Variants in NCLN observed in about 807,000 individuals in gnomAD.
NCLN encodes nicalin, also known as BOS complex subunit NCLN.
Under a neutral mutation model 69.5 loss-of-function variants are expected in NCLN, and 34 were observed. That is an observed-to-expected ratio of 0.49 (90% CI 0.37 to 0.65). The LOEUF (loss-of-function observed/expected upper bound fraction) is 0.65. Among genes scored for constraint, NCLN ranks in the 30% least tolerant of loss-of-function variants. The pLI is 0.00. For synonymous variants in NCLN, 393 were observed against 358.3 expected, an observed-to-expected ratio of 1.10 and a Z score of -1.09; for missense variants, 710 against 804.8, an observed-to-expected ratio of 0.88 and a Z score of 1.42.
intron 6 of NCLN, 72 bp downstream of exon 6, chr19:3,201,698 C>T (rs1017161112): frequency 2.4e-6 from 3 of 1,241,378 alleles, no homozygotes; most frequent in Non-Finnish European, 3.3e-6. Context: ...CCACCAGGCA[C>T]CTCTGCAGAT....
Position 3,205,748 on chromosome 19 carries a change from G to T in NCLN, c.1209-191G>T, listed in dbSNP as rs1916246622. On this transcript the variant is annotated intron_variant, in intron 9 of 14. Transcript: ENST00000246117. This position sits in a 1 kb window ranked among gnomAD's most constrained non-coding sequence, Gnocchi z 4.6. ...AGGGACGGGTCAGGGCAAGGGGCCT[G>T]GAGGTGTGGGGCCCCCAGTGAATCT... is the stretch of plus-strand genomic sequence containing the variant. The T allele has an allele frequency of 3.3e-6, 2 of 602,648 alleles. No homozygotes were observed. Among genetic ancestry groups the T allele is most frequent in the South Asian group, 4.0e-5 (2 of 49,782 alleles). 37.3% of individuals were successfully genotyped at this position (602,648 alleles called of 1,614,324 possible).
chr19:3,204,340 T>G (rs1397658280), intron 8 of NCLN, among the ~76,000 whole-genome samples, 196 bp downstream of exon 8: 1 of 151,564 alleles, frequency 6.6e-6, no homozygotes, highest in Admixed American at 6.6e-5. Context: ...AGGGGCACAC[T>G]GCGTCAGGGC....
intron 5 of NCLN, among the ~76,000 whole-genome samples, 199 bp downstream of exon 5, chr19:3,199,096 CG>C (rs1916055713): frequency 6.6e-6 from 1 of 152,192 alleles, no homozygotes; most frequent in South Asian, 2.1e-4. Context: ...GCTCTTGCCC[CG>C]GGGTCGCAGG....
chr19:3,203,937 G>A lies in NCLN; in HGVS notation c.890-68G>A, dbSNP rs28372910. On this transcript the variant is annotated intron_variant, in intron 7 of 14. Transcript: ENST00000246117. ...GGGTTGCCATGGGGGCAGCCAGGAG[G>A]CACAGAGGGAGGGCCGGGGGCCACT... is the stretch of plus-strand genomic sequence containing the variant. 6.4e-4 allele frequency: 999 copies of A among 1,559,136 alleles called. 10 individuals carry two copies. In the East Asian group the frequency reaches 0.019, roughly 29 times the overall value.
chr19:3,200,142 CT>C (rs2144910644), intron 5 of NCLN, among the ~76,000 whole-genome samples: 1 of 152,134 alleles, frequency 6.6e-6, no homozygotes, highest in Admixed American at 6.5e-5. Context: ...CCCACACAAA[CT>C]CAAGCTGCTC....
At chr19:3,190,364 C>A (rs906109600) in intron 1 of NCLN, among the ~76,000 whole-genome samples, 2 of 152,194 alleles carry the variant, frequency 1.3e-5, no homozygotes, top group Admixed American at 6.5e-5. Context: ...GTGCCCACCT[C>A]CTTGTGCTGC....
rs1915654072 is a variant in NCLN, at chr19:3,185,966, C to A, written c.-65C>A. The A allele has an allele frequency of 6.1e-6, 8 of 1,319,174 alleles. No homozygotes were observed. Among genetic ancestry groups the A allele is most frequent in the East Asian group, 3.2e-5 (1 of 31,144 alleles). 81.7% of individuals were successfully genotyped at this position (1,319,174 alleles called of 1,614,324 possible). On this transcript the variant is annotated 5_prime_UTR_variant, in exon 1 of 15. Transcript: ENST00000246117. ...GGCTACCCATGCCGAGGTGAGTCCG[C>A]GGGAGCCGCCGCCGCCGCCGTCCCG...
chr19:3,198,849 TC>T lies in NCLN; in HGVS notation c.651del (p.Thr218ProfsTer194). 1 of 1,570,880 alleles carries T rather than the reference TC, an allele frequency of 6.4e-7. No individual in the cohort carries two copies. The highest frequency in any genetic ancestry group is 2.5e-5 in the East Asian group (1 of 40,410). ...RLTGLGGEDL[P>X]TIVIVAHYDA... The stretch of plus-strand genomic sequence containing the variant: ...TGACGGGGCTGGGCGGAGAGGACCT[TC>T]CCACCATCGTCATCGTGGCCCACTA... On this transcript the variant is annotated frameshift_variant, in exon 5 of 15. Coordinates refer to ENST00000246117, the MANE Select transcript of NCLN (RefSeq NM_020170.4). LOFTEE classifies it high-confidence loss of function.
chr19:3,196,178 C>A lies in NCLN; in HGVS notation c.521-5C>A. The A allele has an allele frequency of 6.5e-7, 1 of 1,548,634 alleles. No individual in the cohort carries two copies. The highest frequency in any genetic ancestry group is 8.7e-7 in the Non-Finnish European group (1 of 1,144,910). ...AAGGCTGATGCGCCCTCTCCCTCTC[C>A]CTAGTACTGCTGCGCACGGCCACTG... On this transcript the variant is annotated splice_polypyrimidine_tract_variant and splice_region_variant and intron_variant, in intron 3 of 14. Coordinates refer to ENST00000246117, the MANE Select transcript of NCLN (RefSeq NM_020170.4).
chr19:3,200,597 A>G (rs1016077942), intron 5 of NCLN, among the ~76,000 whole-genome samples: 4 of 152,186 alleles, frequency 2.6e-5, no homozygotes, highest in Admixed American at 1.3e-4. Context: ...GGCGTGAGCC[A>G]CCGAGCCCAG....
At chr19:3,188,453 G>A (rs759445335) in intron 1 of NCLN, among the ~76,000 whole-genome samples, 1 of 152,124 alleles carries the variant, frequency 6.6e-6, no homozygotes, top group Non-Finnish European at 1.5e-5. Context: ...CAGTTTCCTT[G>A]TGTGGCCTCT....
In NCLN at chr19:3,205,430, G is replaced by A. The variant is rs1002642764; in HGVS notation, c.1209-509G>A. 2.0e-5 allele frequency among the ~76,000 whole-genome samples: 3 copies of A among 152,216 alleles called. No individual in the cohort carries two copies. Among genetic ancestry groups the A allele is most frequent in the African/African-American group, 7.2e-5 (3 of 41,458 alleles). On this transcript the variant is annotated intron_variant, in intron 9 of 14. Transcript: ENST00000246117. The surrounding 1 kb of genome is among the most constrained non-coding windows in gnomAD (Gnocchi z 4.6). ...TCGGAGGCCTGCAGAAGCCAGTGGC[G>A]GGAGGGAGGGGCACATCCCTGGGTA...
At chr19:3,198,438 T>G (rs1162417633) in intron 4 of NCLN, among the ~76,000 whole-genome samples, 1 of 137,590 alleles carries the variant, frequency 7.3e-6, no homozygotes. Context: ...ACCCGGGAGG[T>G]GGAGCTTGCA....
chr19:3,202,092 C>A (rs532445505), intron 6 of NCLN, among the ~76,000 whole-genome samples: 1 of 152,144 alleles, frequency 6.6e-6, no homozygotes, highest in Non-Finnish European at 1.5e-5. Context: ...GGCAGAAGCA[C>A]CCCTGGTTGA....
intron 2 of NCLN, 61 bp downstream of exon 2, chr19:3,192,721 A>G (rs1915860260): frequency 7.0e-7 from 1 of 1,434,094 alleles, no homozygotes; most frequent in Non-Finnish European, 9.2e-7. Context: ...GTTGGAGGCA[A>G]CTGTGTGACC....
intron 6 of NCLN, 32 bp from the exon 7 acceptor site, chr19:3,203,724 C>T (rs570762723): frequency 2.8e-5 from 45 of 1,587,270 alleles, no homozygotes; most frequent in East Asian, 2.5e-4. Context: ...GGCGCTTGCC[C>T]GTCAAAGCTA....
intron 3 of NCLN, among the ~76,000 whole-genome samples, chr19:3,193,885 G>A (rs988879989): frequency 6.6e-6 from 1 of 152,258 alleles, no homozygotes; most frequent in African/African-American, 2.4e-5. Context: ...CCCTGGCAGC[G>A]AACTCAGAGC....
At chr19:3,200,566 T>G (rs1916100086) in intron 5 of NCLN, among the ~76,000 whole-genome samples, 1 of 152,102 alleles carries the variant, frequency 6.6e-6, no homozygotes, top group African/African-American at 2.4e-5. Flanking sequence ...CATCTTGGCC[T>G]CCCAAAGTGC....
At chr19:3,192,696 A>C (rs1915859739) in intron 2 of NCLN, 36 bp downstream of exon 2, 1 of 1,482,868 alleles carries the variant, frequency 6.7e-7, no homozygotes, top group African/African-American at 1.4e-5. Context: ...GCTCAGGTCC[A>C]GAGCTGCGGC....
Sources: allele counts gnomAD v4.1 joint callset (sites outside exome capture counted in the v4.1 genomes callset), GRCh38; gene constraint gnomAD v4.1.1; non-coding constraint Gnocchi (gnomAD v3.1); transcripts MANE v1.5; gene names NCBI Gene and HGNC (gene_info 2026-07-23, HGNC 2026-07-21).